The following PCDHGA8 variants were observed in gnomAD, a reference collection of about 807,000 sequenced individuals.
PCDHGA8 encodes protocadherin gamma-A8.
A neutral mutation model predicts 59.2 loss-of-function variants in PCDHGA8; 45 were observed. The ratio of observed to expected loss-of-function variants is 0.76; its 90% confidence interval spans 0.60 to 0.98. The LOEUF (loss-of-function observed/expected upper bound fraction) is 0.98. Ranked by LOEUF, PCDHGA8 falls within the 50% of genes least tolerant of loss-of-function variation. PCDHGA8 has a pLI of 0.00. For missense variants in PCDHGA8, 1,257 were observed against 1,196.2 expected, an observed-to-expected ratio of 1.05 and a Z score of -0.75; for synonymous variants, 531 against 519.0, an observed-to-expected ratio of 1.02 and a Z score of -0.32.
chr5:141,403,612 G>C (rs1314297922), intron 1 of PCDHGA8: 9 of 1,613,736 alleles, frequency 5.6e-6, no homozygotes, highest in African/African-American at 1.3e-5. Flanking sequence ...GCGGCGAGCC[G>C]CGTCGCTCCA....
chr5:141,473,163 G>T (rs1379230893), intron 1 of PCDHGA8, among the ~76,000 whole-genome samples: 2 of 152,160 alleles, frequency 1.3e-5, no homozygotes, highest in Non-Finnish European at 1.5e-5. Flanking sequence ...GGGCTAGGAA[G>T]GCCCACTGGT....
chr5:141,438,983 T>C (rs1296267457), intron 1 of PCDHGA8, among the ~76,000 whole-genome samples: 1 of 151,930 alleles, frequency 6.6e-6, no homozygotes, highest in Non-Finnish European at 1.5e-5. Context: ...TGACTTATCT[T>C]AAAAGGCTAA....
At chr5:141,450,826 A>C (rs965147554) in intron 1 of PCDHGA8, among the ~76,000 whole-genome samples, 1 of 134,302 alleles carries the variant, frequency 7.4e-6, no homozygotes, top group African/African-American at 2.9e-5. Context: ...TATTATTATT[A>C]TTATTTTTTT....
At chr5:141,413,023 A>T in intron 1 of PCDHGA8, 1 of 729,646 alleles carries the variant, frequency 1.4e-6, no homozygotes, top group Non-Finnish European at 2.1e-6. Context: ...CACAAGCCCC[A>T]CAAACCGGCT....
At chr5:141,460,795 G>A (rs1007673184) in intron 1 of PCDHGA8, among the ~76,000 whole-genome samples, 3 of 151,492 alleles carry the variant, frequency 2.0e-5, no homozygotes, top group African/African-American at 4.9e-5. Flanking sequence ...TACACACAAA[G>A]TATATATATG....
At chr5:141,495,356 C>A (rs889897990) in intron 2 of PCDHGA8, among the ~76,000 whole-genome samples, 3 of 152,222 alleles carry the variant, frequency 2.0e-5, no homozygotes, top group Non-Finnish European at 4.4e-5. Flanking sequence ...GGCAGCACAG[C>A]TGGAGGTGGA....
At chr5:141,408,527 G>A in intron 1 of PCDHGA8, 1 of 1,614,072 alleles carries the variant, frequency 6.2e-7, no homozygotes, top group South Asian at 1.1e-5. Flanking sequence ...ATTGGAAGCT[G>A]TGGTGGAAAA....
At chr5:141,430,781 C>T (rs559701152) in intron 1 of PCDHGA8, 6 of 1,510,922 alleles carry the variant, frequency 4.0e-6, no homozygotes, top group South Asian at 2.7e-5. Context: ...GCGACTGCAC[C>T]GGGACTACAA....
At chr5:141,469,408 C>A (rs765861544) in intron 1 of PCDHGA8, among the ~76,000 whole-genome samples, 20 of 152,008 alleles carry the variant, frequency 1.3e-4, no homozygotes, top group Non-Finnish European at 2.6e-4. Flanking sequence ...AACCCCGTTT[C>A]TACTAAAAAT....
At position 141,511,648 on chromosome 5, in the gene PCDHGA8, G is replaced by T. The variant is rs553080689; in HGVS notation, c.*475G>T. The T allele has an allele frequency of 1.4e-5, 3 of 214,700 alleles. No homozygotes were observed. Among genetic ancestry groups the T allele is most frequent in the East Asian group, 2.1e-4 (2 of 9,414 alleles). The allele number at this position is 214,700 out of a possible 1,614,324, so 13.3% of individuals were successfully genotyped here. A position where few individuals can be genotyped will look rare whatever the true frequency, so the allele number is the denominator to read the frequency against. On this transcript the variant is annotated 3_prime_UTR_variant, in exon 4 of 4. Coordinates refer to ENST00000398604, the MANE Select transcript of PCDHGA8 (RefSeq NM_032088.2). ...AGTTGGAAGGGCATCATGACCTCTTGGCCTCTCCTTTGATTCTCAATCTTC... is the reference window on the plus strand; with the variant it reads ...AGTTGGAAGGGCATCATGACCTCTTTGCCTCTCCTTTGATTCTCAATCTTC...
chr5:141,406,307 T>C (rs2094791462), intron 1 of PCDHGA8, among the ~76,000 whole-genome samples: 1 of 152,088 alleles, frequency 6.6e-6, no homozygotes, highest in African/African-American at 2.4e-5. Flanking sequence ...GTGAACCACC[T>C]CACCCAGCAA....
intron 1 of PCDHGA8, chr5:141,440,348 C>G (rs2098169693): frequency 6.6e-6 from 1 of 152,190 alleles, no homozygotes; most frequent in South Asian, 2.1e-4. Flanking sequence ...GGCCTATAAT[C>G]CTAGCTACTC....
chr5:141,445,134 A>G lies in PCDHGA8; in HGVS notation c.2425-49673A>G, dbSNP rs900226020. ...TTGTAAATAGTATTTTTAAAATTGT[A>G]TCTTCTAATTGTTCATTTCTAGTTT... On this transcript the variant is annotated intron_variant, in intron 1 of 3. Transcript: ENST00000398604. Among the ~76,000 whole-genome samples, 174 of 152,316 alleles carry G rather than the reference A, an allele frequency of 1.1e-3. 4 individuals carry two copies. The highest frequency in any genetic ancestry group is 5.3e-4 in the Non-Finnish European group (36 of 68,016).
At chr5:141,433,853 A>G (rs934981508) in intron 1 of PCDHGA8, among the ~76,000 whole-genome samples, 1 of 152,026 alleles carries the variant, frequency 6.6e-6, no homozygotes, top group Non-Finnish European at 1.5e-5. Flanking sequence ...AAAAAAAAAA[A>G]AACTTTATCC....
intron 1 of PCDHGA8, among the ~76,000 whole-genome samples, chr5:141,460,922 ATATGTGTGTGTG>A: frequency 6.6e-6 from 1 of 151,042 alleles, no homozygotes; most frequent in Non-Finnish European, 1.5e-5. Context: ...GTATATATAT[ATATGTGTGTGTG>A]TATATATATG....
At chr5:141,430,115 A>G (rs930805574) in intron 1 of PCDHGA8, among the ~76,000 whole-genome samples, 1 of 152,194 alleles carries the variant, frequency 6.6e-6, no homozygotes, top group Non-Finnish European at 1.5e-5. Context: ...CATGTCAACA[A>G]CCTGGTAAAG....
chr5:141,443,849 T>A (rs1233479391), intron 1 of PCDHGA8, among the ~76,000 whole-genome samples: 2 of 152,136 alleles, frequency 1.3e-5, no homozygotes, highest in Admixed American at 1.3e-4. Flanking sequence ...ATATGGAAAG[T>A]CTGAAAACTG....
intron 3 of PCDHGA8, 73 bp from the exon 4 acceptor site, chr5:141,510,874 G>A (rs1419164967): frequency 3.7e-6 from 6 of 1,610,008 alleles, no homozygotes; most frequent in Admixed American, 1.7e-5. Context: ...TTCATTAACT[G>A]CTGGGGATAT....
At chr5:141,414,894 A>T in intron 1 of PCDHGA8, 1 of 1,613,958 alleles carries the variant, frequency 6.2e-7, no homozygotes, top group South Asian at 1.1e-5. Flanking sequence ...CCCTCCCCAC[A>T]GACGGTTCCA....
Sources: allele counts gnomAD v4.1 joint callset (sites outside exome capture counted in the v4.1 genomes callset), GRCh38; gene constraint gnomAD v4.1.1; transcripts MANE v1.5; gene names NCBI Gene and HGNC (gene_info 2026-07-23, HGNC 2026-07-21).